Variants in PPP1R10 observed in about 807,000 individuals in gnomAD.
PPP1R10 encodes the protein serine/threonine-protein phosphatase 1 regulatory subunit 10.
Under a neutral mutation model 99.0 loss-of-function variants are expected in PPP1R10, and 15 were observed. The ratio of observed to expected loss-of-function variants is 0.15; its 90% confidence interval spans 0.10 to 0.23. PPP1R10 has a LOEUF of 0.23. Among genes scored for constraint, PPP1R10 ranks in the 10% least tolerant of loss-of-function variants. The pLI is 1.00. For synonymous variants in PPP1R10, 430 were observed against 449.5 expected (o/e 0.96, Z 0.55); for missense variants, 947 against 1,259.4 (o/e 0.75, Z 3.75).
Position 30,602,284 on chromosome 6 carries a change from C to T in PPP1R10, c.2365G>A (p.Gly789Ser). ...SGHRPHEGPG[G>S]SMGGGGGHRP... is the part of the protein sequence containing the mutation. Reference sequence around the variant, plus strand: ...TGTCCTCCACCCCCACCCATGCTACCACCAGGGCCTTCATGGGGGCGATGC... The same window carrying T: ...TGTCCTCCACCCCCACCCATGCTACTACCAGGGCCTTCATGGGGGCGATGC... Residue 789 changes from glycine (G) to serine (S), a missense_variant, in exon 19 of 20, where the codon GGT (glycine) becomes AGT (serine). Coordinates refer to ENST00000376511, the MANE Select transcript of PPP1R10 (RefSeq NM_002714.4). The surrounding 1 kb of genome is among the most constrained non-coding windows in gnomAD (Gnocchi z 6.7). The T allele has an allele frequency of 6.2e-7, 1 of 1,612,108 alleles. No homozygotes were observed. The highest frequency in any genetic ancestry group is 8.5e-7 in the Non-Finnish European group (1 of 1,179,588).
At chr6:30,617,079 T>G (rs1227302502) in intron 1 of PPP1R10, 81 bp from the exon 2 acceptor site, 1 of 152,426 alleles carries the variant, frequency 6.6e-6, no homozygotes, top group Non-Finnish European at 1.5e-5. Flanking sequence ...ATCTTTGTTG[T>G]CCCCAAACAA....
chr6:30,616,375 A>G (rs1760545952), intron 2 of PPP1R10, 103 bp downstream of exon 2: 2 of 152,526 alleles, frequency 1.3e-5, no homozygotes, highest in Admixed American at 6.5e-5. Flanking sequence ...CCAGTTCTCT[A>G]TTTGTTCTAT....
At position 30,606,268 on chromosome 6, in the gene PPP1R10, C is replaced by T; in HGVS notation, c.635-25G>A. On this transcript the variant is annotated intron_variant, in intron 8 of 19. Transcript: ENST00000376511. This position sits in a 1 kb window ranked among gnomAD's most constrained non-coding sequence, Gnocchi z 6.3. ...CCTGGGGAAAGAAGCACGGTGTGGG[C>T]AGCTGAACTCAAACCCCAGACCCCC... is the stretch of plus-strand genomic sequence containing the variant. 6.2e-7 allele frequency: 1 copy of T among 1,609,906 alleles called. No individual in the cohort carries two copies. Among genetic ancestry groups the T allele is most frequent in the Non-Finnish European group, 8.5e-7 (1 of 1,177,376 alleles).
intron 2 of PPP1R10, among the ~76,000 whole-genome samples, chr6:30,613,756 CTTCT>C (rs1455533898): frequency 1.3e-5 from 2 of 152,142 alleles, no homozygotes; most frequent in Admixed American, 6.6e-5. Flanking sequence ...TAAGGAAGAT[CTTCT>C]TTATTAATCC....
At chr6:30,615,454 C>T (rs1391036257) in intron 2 of PPP1R10, among the ~76,000 whole-genome samples, 1 of 152,080 alleles carries the variant, frequency 6.6e-6, no homozygotes, top group African/African-American at 2.4e-5. Flanking sequence ...GGACCCCTCT[C>T]AACAAATAGG....
At chr6:30,610,018 T>C (rs1804394140) in intron 2 of PPP1R10, 63 bp from the exon 3 acceptor site, 2 of 1,017,846 alleles carry the variant, frequency 2.0e-6, no homozygotes, top group Non-Finnish European at 3.1e-6. Context: ...ACTACCCGAG[T>C]AGGCCCTCTA....
In PPP1R10 at chr6:30,604,109, C is replaced by T. The variant is rs758502746; in HGVS notation, c.1407G>A (p.Leu469=). Residue 469 remains leucine, a synonymous_variant, in exon 14 of 20, where the codon CTG becomes CTA. Coordinates refer to ENST00000376511, the MANE Select transcript of PPP1R10 (RefSeq NM_002714.4). This position sits in a 1 kb window ranked among gnomAD's most constrained non-coding sequence, Gnocchi z 7.3. ...TTCCAGGGGTGACAAGAGGTGAGGG[C>T]AGAACCAGGGGCCGGGGGCACACCC... ...VPWVCPRPLV[L]PSPLVTPGSN... 9.3e-6 allele frequency: 15 copies of T among 1,614,034 alleles called. No homozygotes were observed. In the South Asian group the frequency reaches 1.5e-4, roughly 17 times the overall value.
intron 19 of PPP1R10, 24 bp downstream of exon 19, chr6:30,601,912 A>G (rs1803355534): frequency 1.3e-6 from 2 of 1,489,762 alleles, no homozygotes; most frequent in Non-Finnish European, 1.8e-6. Flanking sequence ...CAAAAGGCAT[A>G]TGGGGGACAG....
intron 2 of PPP1R10, among the ~76,000 whole-genome samples, chr6:30,611,476 A>T (rs1327904926): frequency 6.6e-6 from 1 of 152,234 alleles, no homozygotes; most frequent in Non-Finnish European, 1.5e-5. Context: ...AAGGGTAGAA[A>T]AATCAGTATT....
intron 10 of PPP1R10, 28 bp from the exon 11 acceptor site, chr6:30,605,122 A>G: frequency 6.3e-7 from 1 of 1,591,656 alleles, no homozygotes; most frequent in Non-Finnish European, 8.6e-7. Context: ...ACCAAATGGC[A>G]TCATCAGACC....
At chr6:30,611,157 C>T (rs977312589) in intron 2 of PPP1R10, among the ~76,000 whole-genome samples, 2 of 152,034 alleles carry the variant, frequency 1.3e-5, no homozygotes, top group African/African-American at 2.4e-5. Flanking sequence ...AAACATAAGT[C>T]GAGTGTGATG....
At chr6:30,611,364 C>T (rs1804536302) in intron 2 of PPP1R10, among the ~76,000 whole-genome samples, 1 of 152,148 alleles carries the variant, frequency 6.6e-6, no homozygotes, top group African/African-American at 2.4e-5. Context: ...GCAATATCTG[C>T]CTTTGGGCAA....
intron 5 of PPP1R10, 44 bp downstream of exon 5, chr6:30,608,735 C>CT (rs1211648739): frequency 6.3e-7 from 1 of 1,599,658 alleles, no homozygotes; most frequent in Non-Finnish European, 8.6e-7. Context: ...ATCCATTAGA[C>CT]TAAACCAAAA....
intron 2 of PPP1R10, among the ~76,000 whole-genome samples, chr6:30,615,338 AAG>A (rs550512577): frequency 5.3e-5 from 8 of 151,998 alleles, no homozygotes; most frequent in Non-Finnish European, 1.2e-4. Flanking sequence ...AAATATTAAA[AAG>A]AACAATTTTC....
rs1479479057 is a variant in PPP1R10 at position 30,602,630 on chromosome 6, G to A, written c.2019C>T (p.Pro673=). 1 of 1,595,554 alleles carries A rather than the reference G, an allele frequency of 6.3e-7. No individual in the cohort carries two copies. The highest frequency in any genetic ancestry group is 1.4e-5 in the African/African-American group (1 of 74,050). ...GPRLLGPPPP[P]RGGDPFWDGP... ...CATCCCAGAAGGGATCACCTCCCCG[G>A]GGAGGGGGTGGAGGACCCAGAAGAC... The change falls in exon 19 of 20, where the codon CCC becomes CCT. Residue 673 remains proline (P), a synonymous_variant. Coordinates refer to ENST00000376511, the MANE Select transcript of PPP1R10 (RefSeq NM_002714.4). The surrounding 1 kb of genome is among the most constrained non-coding windows in gnomAD (Gnocchi z 6.7).
At position 30,602,133 on chromosome 6, in the gene PPP1R10, A is replaced by C. The variant is rs1462801926; in HGVS notation, c.2516T>G (p.Met839Arg). ...GGGACGATGTCCACCACTTCCACCC[A>C]TGCTTCCGCCAGGGCCTTCGTGGGG... Reference protein sequence around the residue: ...HRPHEGPGGSMGGSGGHRPHE... With the variant: ...HRPHEGPGGSRGGSGGHRPHE... The change falls in exon 19 of 20, where the codon ATG becomes AGG. Residue 839 changes from methionine (M) to arginine (R), a missense_variant. Met to Arg is a moderately conservative substitution (Grantham distance 91). Coordinates refer to ENST00000376511, the MANE Select transcript of PPP1R10 (RefSeq NM_002714.4). The surrounding 1 kb of genome is among the most constrained non-coding windows in gnomAD (Gnocchi z 6.7). 1.9e-6 allele frequency: 3 copies of C among 1,609,522 alleles called. No individual in the cohort carries two copies. In the Admixed American group the frequency reaches 5.0e-5, roughly 27 times the overall value.
Position 30,606,775 on chromosome 6 carries a change from T to A in PPP1R10, c.460+4A>T. On this transcript the variant is annotated splice_donor_region_variant and intron_variant, in intron 7 of 19. Coordinates refer to ENST00000376511, the MANE Select transcript of PPP1R10 (RefSeq NM_002714.4). The surrounding 1 kb of genome is among the most constrained non-coding windows in gnomAD (Gnocchi z 6.3). The stretch of plus-strand genomic sequence containing the variant: ...TACAAAGGATAAAGGACTAAGGAGC[T>A]TACCAGCAGGCTGGGTACTGCTCTG... 6.2e-7 allele frequency: 1 copy of A among 1,613,786 alleles called. No homozygotes were observed. The highest frequency in any genetic ancestry group is 8.5e-7 in the Non-Finnish European group (1 of 1,179,688).
At chr6:30,605,871 A>AG (rs1803885216) in intron 10 of PPP1R10, 52 bp downstream of exon 10, 1 of 1,534,866 alleles carries the variant, frequency 6.5e-7, no homozygotes, top group Middle Eastern at 1.7e-4. Flanking sequence ...AAAAAAAAAA[A>AG]AAAAAAAGTT....
chr6:30,616,057 AGTG>A (rs1205329530), intron 2 of PPP1R10, among the ~76,000 whole-genome samples: 1 of 152,202 alleles, frequency 6.6e-6, no homozygotes, highest in Admixed American at 6.5e-5. Context: ...CACACAAAGA[AGTG>A]GTACTTCTGG....
Sources: allele counts gnomAD v4.1 joint callset (sites outside exome capture counted in the v4.1 genomes callset), GRCh38; gene constraint gnomAD v4.1.1; non-coding constraint Gnocchi (gnomAD v3.1); transcripts MANE v1.5; gene names NCBI Gene and HGNC (gene_info 2026-07-23, HGNC 2026-07-21).